Variants in ZC2HC1A observed in about 807,000 individuals in gnomAD.
ZC2HC1A encodes zinc finger C2HC domain-containing protein 1A.
A neutral mutation model predicts 40.7 loss-of-function variants in ZC2HC1A; 28 were observed. That is an observed-to-expected ratio of 0.69 (90% CI 0.51 to 0.94). The LOEUF (loss-of-function observed/expected upper bound fraction) is 0.94, where lower values mean the gene tolerates loss of function less well. Ranked by LOEUF, ZC2HC1A falls within the 40% of genes least tolerant of loss-of-function variation. ZC2HC1A has a pLI of 0.00. For synonymous variants in ZC2HC1A, 129 were observed against 129.2 expected (o/e 1.00, Z 0.01); for missense variants, 389 against 386.3 (o/e 1.01, Z -0.06).
chr8:78,675,455 TGTA>T (rs901786624), intron 1 of ZC2HC1A, among the ~76,000 whole-genome samples: 37 of 152,108 alleles, frequency 2.4e-4, no homozygotes, highest in African/African-American at 8.4e-4. Flanking sequence ...GTTCTTAAAA[TGTA>T]GTAATTTACC....
At chr8:78,668,025 T>C (rs768116174) in intron 1 of ZC2HC1A, among the ~76,000 whole-genome samples, 1 of 151,976 alleles carries the variant, frequency 6.6e-6, no homozygotes, top group Non-Finnish European at 1.5e-5. Context: ...ATAAACTGAG[T>C]TGAAATATGT....
chr8:78,673,027 C>A (rs760055472), intron 1 of ZC2HC1A, among the ~76,000 whole-genome samples: 14 of 152,040 alleles, frequency 9.2e-5, no homozygotes, highest in Non-Finnish European at 1.6e-4. Context: ...TTAAGCCCCA[C>A]ATGCATTAGG....
At chr8:78,688,994 T>C (rs1170309354) in intron 4 of ZC2HC1A, among the ~76,000 whole-genome samples, 3 of 151,618 alleles carry the variant, frequency 2.0e-5, no homozygotes, top group African/African-American at 7.3e-5. Context: ...ACACATTTGA[T>C]TCAAAGCTAG....
At chr8:78,679,586 G>T (rs1394872096) in intron 3 of ZC2HC1A, among the ~76,000 whole-genome samples, 1 of 152,116 alleles carries the variant, frequency 6.6e-6, no homozygotes, top group African/African-American at 2.4e-5. Flanking sequence ...GGTAGTAAGG[G>T]CCAACTGTGT....
intron 5 of ZC2HC1A, among the ~76,000 whole-genome samples, chr8:78,696,844 C>A (rs1314219642): frequency 6.6e-6 from 1 of 152,166 alleles, no homozygotes; most frequent in African/African-American, 2.4e-5. Context: ...TATAAAAACA[C>A]ATCCAGGAAC....
chr8:78,683,666 T>C (rs1809862560), intron 3 of ZC2HC1A, among the ~76,000 whole-genome samples: 1 of 152,174 alleles, frequency 6.6e-6, no homozygotes, highest in Non-Finnish European at 1.5e-5. Flanking sequence ...CCCTTTGTCT[T>C]GGTGATTAAC....
At chr8:78,673,581 T>G (rs554200882) in intron 1 of ZC2HC1A, among the ~76,000 whole-genome samples, 1 of 152,158 alleles carries the variant, frequency 6.6e-6, no homozygotes, top group Non-Finnish European at 1.5e-5. Context: ...ACATCTGTTG[T>G]TTCCTGACTT....
chr8:78,668,929 T>C (rs1809372532), intron 1 of ZC2HC1A, among the ~76,000 whole-genome samples: 1 of 152,172 alleles, frequency 6.6e-6, no homozygotes, highest in South Asian at 2.1e-4. Context: ...TAAATGGTTA[T>C]AAAAATTGTG....
intron 2 of ZC2HC1A, among the ~76,000 whole-genome samples, chr8:78,677,916 G>A (rs1360787876): frequency 6.6e-6 from 1 of 152,150 alleles, no homozygotes. Flanking sequence ...GTTATTTCTT[G>A]ATGATATGCT....
Position 78,686,609 on chromosome 8 carries a change from G to A in ZC2HC1A, c.352+1G>A, listed in dbSNP as rs763768075. Reference sequence around the variant, plus strand: ...CCTCCTCCACCTTCTTATGATCCTGGTATTTGGAATATTGTTGACAGAAAT... The same window carrying A: ...CCTCCTCCACCTTCTTATGATCCTGATATTTGGAATATTGTTGACAGAAAT... On this transcript the variant is annotated splice_donor_variant, in intron 4 of 8. Transcript: ENST00000263849. LOFTEE classifies it high-confidence loss of function. 1 of 1,485,814 alleles carries A rather than the reference G, an allele frequency of 6.7e-7. No individual in the cohort carries two copies. Among genetic ancestry groups the A allele is most frequent in the Non-Finnish European group, 8.9e-7 (1 of 1,120,082 alleles). The allele number at this position is 1,485,814 out of a possible 1,614,324, so 92.0% of individuals were successfully genotyped here.
At chr8:78,683,145 A>G (rs1278283277) in intron 3 of ZC2HC1A, among the ~76,000 whole-genome samples, 2 of 152,124 alleles carry the variant, frequency 1.3e-5, no homozygotes, top group South Asian at 2.1e-4. Flanking sequence ...CAGGCACACA[A>G]TGCAACCTGT....
chr8:78,703,243 A>C (rs796548187), intron 7 of ZC2HC1A, among the ~76,000 whole-genome samples: 1 of 152,132 alleles, frequency 6.6e-6, no homozygotes, highest in Non-Finnish European at 1.5e-5. Flanking sequence ...TGAGAACACT[A>C]TTCTGTTGTT....
intron 7 of ZC2HC1A, among the ~76,000 whole-genome samples, chr8:78,709,165 A>G (rs1021324857): frequency 1.3e-5 from 2 of 152,234 alleles, no homozygotes; most frequent in African/African-American, 4.8e-5. Flanking sequence ...TTTAGTTACT[A>G]TGAAAAGCAC....
chr8:78,697,018 G>C (rs117489947), intron 5 of ZC2HC1A, among the ~76,000 whole-genome samples: 17 of 152,272 alleles, frequency 1.1e-4, no homozygotes, highest in Non-Finnish European at 2.4e-4. Context: ...TGTTTTAGCA[G>C]TGGAGCATCT....
Position 78,687,492 on chromosome 8 carries a change from GTTTATATAATAAATTATATATA to G in ZC2HC1A, c.352+906_352+927del, listed in dbSNP as rs1335798203. ...TATATATTTATATATAATTATATATGTTTATATAATAAATTATATATATTTATATAATAAATTATATATTTAT... is the reference window on the plus strand; with the variant it reads ...TATATATTTATATATAATTATATATGTTTATATAATAAATTATATATTTAT... On this transcript the variant is annotated intron_variant, in intron 4 of 8. Coordinates refer to ENST00000263849, the MANE Select transcript of ZC2HC1A (RefSeq NM_016010.3). 5.7e-3 allele frequency among the ~76,000 whole-genome samples: 805 copies of G among 140,696 alleles called. 6 individuals are homozygous for G. Among genetic ancestry groups the G allele is most frequent in the African/African-American group, 0.019 (753 of 38,668 alleles). 92.3% of individuals were successfully genotyped at this position (140,696 alleles called of 152,430 possible). A position where few individuals can be genotyped will look rare whatever the true frequency, so the allele number is the denominator to read the frequency against.
At chr8:78,690,105 G>A (rs1168636076) in intron 5 of ZC2HC1A, among the ~76,000 whole-genome samples, 3 of 152,166 alleles carry the variant, frequency 2.0e-5, no homozygotes, top group Non-Finnish European at 4.4e-5. Flanking sequence ...GAAATCAGAT[G>A]AATATAAATG....
At chr8:78,691,751 A>G (rs139929281) in intron 5 of ZC2HC1A, among the ~76,000 whole-genome samples, 3 of 152,094 alleles carry the variant, frequency 2.0e-5, no homozygotes, top group South Asian at 4.1e-4. Flanking sequence ...TAAAAAATGC[A>G]TCTTTGACTT....
intron 5 of ZC2HC1A, among the ~76,000 whole-genome samples, chr8:78,693,325 T>C (rs1423947438): frequency 6.6e-6 from 1 of 151,378 alleles, no homozygotes; most frequent in Admixed American, 6.6e-5. Context: ...CCACAATGGT[T>C]GAACTAGTTT....
At chr8:78,676,528 A>G (rs1477695694) in intron 2 of ZC2HC1A, among the ~76,000 whole-genome samples, 3 of 152,038 alleles carry the variant, frequency 2.0e-5, no homozygotes, top group African/African-American at 7.2e-5. Flanking sequence ...AACTTCAAAC[A>G]CAAATACACA....
Sources: gnomAD v4.1 joint callset for allele counts (sites outside exome capture counted in the v4.1 genomes callset) on GRCh38, gnomAD v4.1.1 for gene constraint, MANE v1.5 for transcripts, NCBI Gene and HGNC (gene_info 2026-07-23, HGNC 2026-07-21) for gene names.